RUVBL1: variants seen among roughly 807,000 people sequenced by gnomAD.
The protein encoded by RUVBL1 is ruvB-like 1.
In RUVBL1, 4 loss-of-function variants were observed where a neutral mutation model predicts 52.4. The observed-to-expected ratio is 0.08, with a 90% CI of 0.04 to 0.17. The LOEUF is 0.17. RUVBL1 is among the 10% of genes least tolerant of loss of function. The pLI is 1.00. For missense variants in RUVBL1, 298 were observed against 572.8 expected, an observed-to-expected ratio of 0.52 and a Z score of 4.90; for synonymous variants, 217 against 214.4, an observed-to-expected ratio of 1.01 and a Z score of -0.10.
At chr3:128,130,796 G>T (rs569705821) in intron 1 of RUVBL1, among the ~76,000 whole-genome samples, 16 of 151,714 alleles carry the variant, frequency 1.1e-4, no homozygotes, top group South Asian at 6.3e-4. Flanking sequence ...GACTACATGC[G>T]CCTGCCACCA....
chr3:128,151,914 A>T (rs1354013220), intron 1 of RUVBL1, among the ~76,000 whole-genome samples: 1 of 152,200 alleles, frequency 6.6e-6, no homozygotes, highest in African/African-American at 2.4e-5. Context: ...CTCCACCGCC[A>T]CAGTGTTACA....
chr3:128,120,259 A>ACC (rs940541287), intron 1 of RUVBL1, among the ~76,000 whole-genome samples: 1 of 152,252 alleles, frequency 6.6e-6, no homozygotes, highest in Non-Finnish European at 1.5e-5. Flanking sequence ...TCAATGACAT[A>ACC]GAGTACTAGC....
At chr3:128,085,426 G>C (rs1342600792) in intron 9 of RUVBL1, among the ~76,000 whole-genome samples, 1 of 152,174 alleles carries the variant, frequency 6.6e-6, no homozygotes, top group African/African-American at 2.4e-5. Flanking sequence ...AGTAAGAATG[G>C]GCCAGTTTTC....
chr3:128,105,414 C>T lies in RUVBL1; in HGVS notation c.362-490G>A, dbSNP rs183603667. Reference sequence around the variant, plus strand: ...GGTTATAGGTGTGAGCCACCACACCCGGCCTAGAAATGCAACTTTTTAAGG... The same window carrying T: ...GGTTATAGGTGTGAGCCACCACACCTGGCCTAGAAATGCAACTTTTTAAGG... On this transcript the variant is annotated intron_variant, in intron 3 of 10. Coordinates refer to ENST00000322623, the MANE Select transcript of RUVBL1 (RefSeq NM_003707.3). Among the ~76,000 whole-genome samples the T allele has an allele frequency of 3.2e-3, 483 of 152,106 alleles. 1 individual carries two copies. Among genetic ancestry groups the T allele is most frequent in the Non-Finnish European group, 5.6e-3 (379 of 67,984 alleles).
At chr3:128,101,513 T>G in intron 5 of RUVBL1, 46 bp downstream of exon 5, 1 of 1,576,400 alleles carries the variant, frequency 6.3e-7, no homozygotes, top group Non-Finnish European at 8.7e-7. Flanking sequence ...GGTCTTCTCA[T>G]GGCAAACAAA....
chr3:128,140,675 G>A (rs1320069992), intron 1 of RUVBL1, among the ~76,000 whole-genome samples: 1 of 151,840 alleles, frequency 6.6e-6, no homozygotes, highest in Non-Finnish European at 1.5e-5. Context: ...GCAACATTTT[G>A]GTCAATGACA....
chr3:128,136,062 A>T lies in RUVBL1; in HGVS notation c.-39-16648T>A, dbSNP rs140260104. Among the ~76,000 whole-genome samples the T allele has an allele frequency of 1.9e-3, 293 of 152,278 alleles. 2 individuals are homozygous for T. The highest frequency in any genetic ancestry group is 6.7e-3 in the African/African-American group (278 of 41,570). The stretch of plus-strand genomic sequence containing the variant: ...CATTAGTTGAAAATAAACTATGCAG[A>T]TGTTATTTGCAAGCCTCATGGTAAC... On this transcript the variant is annotated intron_variant, in intron 1 of 9. Coordinates refer to the RUVBL1 transcript ENST00000464873.
intron 8 of RUVBL1, among the ~76,000 whole-genome samples, chr3:128,088,654 G>A (rs181330758): frequency 4.0e-4 from 60 of 151,784 alleles, no homozygotes; most frequent in Non-Finnish European, 6.6e-4. Flanking sequence ...CCAGGCTGGA[G>A]TGCAGTGGCA....
At chr3:128,096,914 T>C (rs1388591463) in intron 8 of RUVBL1, among the ~76,000 whole-genome samples, 1 of 152,140 alleles carries the variant, frequency 6.6e-6, no homozygotes, top group Non-Finnish European at 1.5e-5. Flanking sequence ...CAAGTTATGA[T>C]TCCAGTTTCC....
At chr3:128,103,657 C>G (rs1015450379) in intron 4 of RUVBL1, among the ~76,000 whole-genome samples, 3 of 152,166 alleles carry the variant, frequency 2.0e-5, no homozygotes, top group African/African-American at 4.8e-5. Context: ...GGTGGGCAGA[C>G]AGTACAACGG....
At chr3:128,126,739 G>A (rs1943798661), upstream of RUVBL1, among the ~76,000 whole-genome samples, 2 of 152,158 alleles carry the variant, frequency 1.3e-5, no homozygotes, top group African/African-American at 4.8e-5. Context: ...AAAACAATGT[G>A]GCAGGCCAGT....
chr3:128,068,213 T>G (rs1429645509), intron 9 of RUVBL1, among the ~76,000 whole-genome samples: 1 of 152,272 alleles, frequency 6.6e-6, no homozygotes, highest in Non-Finnish European at 1.5e-5. Context: ...TTTATAAACT[T>G]GCTAAGTGCT....
downstream of RUVBL1, among the ~76,000 whole-genome samples, chr3:128,077,167 G>A (rs1411473291): frequency 6.6e-6 from 1 of 152,056 alleles, no homozygotes; most frequent in African/African-American, 2.4e-5. Context: ...CAGCCCGCAC[G>A]GCCTGGCCAT....
intron 9 of RUVBL1, among the ~76,000 whole-genome samples, chr3:128,074,532 A>AT (rs1409877328): frequency 6.6e-6 from 1 of 152,178 alleles, no homozygotes; most frequent in Non-Finnish European, 1.5e-5. Context: ...ATTTCACTGT[A>AT]TTTTTAACGT....
intron 1 of RUVBL1, among the ~76,000 whole-genome samples, chr3:128,151,193 C>A (rs1270439413): frequency 1.1e-4 from 14 of 129,280 alleles, no homozygotes; most frequent in Non-Finnish European, 1.7e-4. Context: ...TCTATATATA[C>A]TCTATATATT....
intron 1 of RUVBL1, 95 bp from the exon 2 acceptor site, chr3:128,119,509 A>C: frequency 2.1e-6 from 2 of 966,330 alleles, no homozygotes; most frequent in South Asian, 1.5e-5. Context: ...TCACACACTC[A>C]TCCAACTAAC....
exon 1 of RUVBL1, chr3:128,153,345 G>C: frequency 7.2e-7 from 1 of 1,380,422 alleles, no homozygotes; most frequent in Non-Finnish European, 9.3e-7. Flanking sequence ...GGAGCACGGC[G>C]CTCGGCTGTG....
chr3:128,066,386 A>G (rs1941978530), intron 9 of RUVBL1, among the ~76,000 whole-genome samples: 1 of 152,028 alleles, frequency 6.6e-6, no homozygotes, highest in South Asian at 2.1e-4. Context: ...TGGAAAAAAA[A>G]AAAGTGGGGG....
intron 9 of RUVBL1, among the ~76,000 whole-genome samples, chr3:128,065,805 C>T (rs188832353): frequency 6.0e-4 from 80 of 132,738 alleles, no homozygotes; most frequent in Middle Eastern, 5.7e-3. Flanking sequence ...GGCGCGATCT[C>T]GACTCGACTC....
Sources: gnomAD v4.1 joint callset for allele counts (sites outside exome capture counted in the v4.1 genomes callset) on GRCh38, gnomAD v4.1.1 for gene constraint, MANE v1.5 for transcripts, NCBI Gene and HGNC (gene_info 2026-07-23, HGNC 2026-07-21) for gene names.